FARP2: variants seen among roughly 807,000 people sequenced by gnomAD.
FARP2 encodes FERM, ARH/RhoGEF and pleckstrin domain protein 2, also known as FERM, ARHGEF and pleckstrin domain-containing protein 2.
A neutral mutation model predicts 130.5 loss-of-function variants in FARP2; 111 were observed. The observed-to-expected ratio is 0.85, with a 90% confidence interval of 0.73 to 1.00. FARP2 has a LOEUF of 1.00. FARP2 is among the 50% of genes least tolerant of loss of function. The probability of loss-of-function intolerance (pLI) is 0.00; values close to 1 mark genes in which losing one functional copy is unlikely to be tolerated. For missense variants in FARP2, 1,385 were observed against 1,346.3 expected, an observed-to-expected ratio of 1.03 and a Z score of -0.45; for synonymous variants, 504 against 516.9, an observed-to-expected ratio of 0.98 and a Z score of 0.34.
chr2:241,386,255 A>T (rs887851555), intron 2 of FARP2, among the ~76,000 whole-genome samples: 3 of 152,090 alleles, frequency 2.0e-5, no homozygotes, highest in East Asian at 1.9e-4. Flanking sequence ...AAAAATATAT[A>T]TTTTTTAATT....
At chr2:241,422,260 C>CAAAAAAAAAA (rs1198628886) in intron 8 of FARP2, among the ~76,000 whole-genome samples, 15 of 91,942 alleles carry the variant, frequency 1.6e-4, no homozygotes, top group Non-Finnish European at 1.8e-4. Flanking sequence ...ACTAAAAATA[C>CAAAAAAAAAA]AAAAAAAAAA....
At chr2:241,425,815 G>A (rs2062924139) in intron 8 of FARP2, among the ~76,000 whole-genome samples, 1 of 147,076 alleles carries the variant, frequency 6.8e-6, no homozygotes, top group Admixed American at 6.8e-5. Context: ...CACTGCAATG[G>A]CAGCATCTCA....
At chr2:241,444,340 G>A (rs2063462855) in intron 13 of FARP2, 2 of 152,230 alleles carry the variant, frequency 1.3e-5, no homozygotes, top group Admixed American at 1.3e-4. Flanking sequence ...GTGTGCTGGG[G>A]AGAAATGAGT....
At chr2:241,457,422 G>T (rs1184695891) in intron 14 of FARP2, among the ~76,000 whole-genome samples, 1 of 142,746 alleles carries the variant, frequency 7.0e-6, no homozygotes, top group Admixed American at 6.9e-5. Context: ...TTGGGCAGGA[G>T]GCCCAGTGTA....
chr2:241,373,494 G>A (rs1297372317), intron 2 of FARP2, among the ~76,000 whole-genome samples: 1 of 152,150 alleles, frequency 6.6e-6, no homozygotes, highest in Non-Finnish European at 1.5e-5. Context: ...GTTTAAAATT[G>A]TAGTACAATT....
chr2:241,454,050 T>C (rs976934851), intron 13 of FARP2, among the ~76,000 whole-genome samples: 1 of 151,844 alleles, frequency 6.6e-6, no homozygotes, highest in Non-Finnish European at 1.5e-5. Flanking sequence ...TCCCAAAGTG[T>C]TGGGATTATA....
intron 13 of FARP2, chr2:241,442,214 G>A: frequency 2.2e-6 from 1 of 456,694 alleles, no homozygotes; most frequent in Middle Eastern, 3.3e-4. Context: ...GTGCACACAT[G>A]CAGCTCAGCC....
chr2:241,470,009 C>T (rs1000061793), intron 18 of FARP2, among the ~76,000 whole-genome samples: 5 of 152,198 alleles, frequency 3.3e-5, no homozygotes, highest in Non-Finnish European at 5.9e-5. Flanking sequence ...AGAGCCCAGT[C>T]GATGAAACAT....
chr2:241,410,862 A>G (rs752762311), intron 5 of FARP2, 171 bp from the exon 6 acceptor site: 7 of 578,590 alleles, frequency 1.2e-5, no homozygotes, highest in African/African-American at 1.9e-5. Context: ...TGTTTGTTTC[A>G]TGAAAGGCCT....
intron 8 of FARP2, among the ~76,000 whole-genome samples, chr2:241,418,360 G>A (rs1447856876): frequency 6.6e-6 from 1 of 151,994 alleles, no homozygotes; most frequent in Non-Finnish European, 1.5e-5. Flanking sequence ...ACTGCCTCCC[G>A]CCTCCTTGGA....
chr2:241,361,902 T>G (rs1209473820), intron 1 of FARP2, among the ~76,000 whole-genome samples: 1 of 151,752 alleles, frequency 6.6e-6, no homozygotes, highest in Non-Finnish European at 1.5e-5. Flanking sequence ...TTTTATTTAT[T>G]TATTTTTTTT....
rs977814651 is a variant in FARP2 at position 241,380,407 on chromosome 2, C to T, written c.183+7117C>T. 3.9e-5 allele frequency among the ~76,000 whole-genome samples: 6 copies of T among 152,224 alleles called. No homozygotes were observed. The South Asian group carries it at 1.2e-3, about 32-fold the overall frequency. ...CCCATGTAACTCCCCCATTTTTGATCAGGAGAGAATTTGATTCTGTTGTTA... is the reference window on the plus strand; with the variant it reads ...CCCATGTAACTCCCCCATTTTTGATTAGGAGAGAATTTGATTCTGTTGTTA... On this transcript the variant is annotated intron_variant, in intron 2 of 26. Transcript: ENST00000264042.
intron 7 of FARP2, among the ~76,000 whole-genome samples, chr2:241,415,475 T>C (rs953987487): frequency 1.1e-4 from 16 of 152,124 alleles, no homozygotes; most frequent in Non-Finnish European, 2.2e-4. Context: ...TTGGGCATTG[T>C]GCTGCGAACT....
At position 241,360,061 on chromosome 2, in the gene FARP2, C is replaced by T. The variant is rs1452469464; in HGVS notation, c.-25+3673C>T. On this transcript the variant is annotated intron_variant, in intron 1 of 26. Coordinates refer to ENST00000264042, the MANE Select transcript of FARP2 (RefSeq NM_014808.4). ...CTTCCTCTCTACCACCCTCACTTTA[C>T]TCACTCCAAGGCACTTAAATCACCA... Among the ~76,000 whole-genome samples the T allele has an allele frequency of 2.0e-5, 3 of 152,288 alleles. No homozygotes were observed. The South Asian group carries it at 6.2e-4, about 32-fold the overall frequency.
At chr2:241,463,707 T>G (rs2064090438) in intron 16 of FARP2, 192 bp from the exon 17 acceptor site, 1 of 677,392 alleles carries the variant, frequency 1.5e-6, no homozygotes, top group Non-Finnish European at 2.5e-6. Context: ...GGTTACTATC[T>G]GTTTTAGAGA....
chr2:241,463,780 C>A, intron 16 of FARP2, 119 bp from the exon 17 acceptor site: 1 of 911,000 alleles, frequency 1.1e-6, no homozygotes. Flanking sequence ...CCTCTTCCAC[C>A]TCAGAGCTTC....
chr2:241,427,753 T>G (rs1242409590), intron 8 of FARP2, among the ~76,000 whole-genome samples: 3 of 152,076 alleles, frequency 2.0e-5, no homozygotes, highest in Non-Finnish European at 2.9e-5. Flanking sequence ...CTTACCTCCG[T>G]GGCAGGCCCT....
rs1559816861 is a variant in FARP2, at chr2:241,491,097, G to C, written c.2541G>C (p.Leu847=). ...RLEKEKWMLD[L]NSAIQAAKSG... Reference sequence around the variant, plus strand: ...AGAAAGAGAAGTGGATGCTGGACCTGAACTCCGCGATCCAAGCAGCCAAGA... The same window carrying C: ...AGAAAGAGAAGTGGATGCTGGACCTCAACTCCGCGATCCAAGCAGCCAAGA... The change falls in exon 23 of 27, where the codon CTG becomes CTC. Residue 847 remains leucine, a synonymous_variant. Coordinates refer to ENST00000264042, the MANE Select transcript of FARP2 (RefSeq NM_014808.4). The C allele has an allele frequency of 1.9e-6, 3 of 1,613,526 alleles. No homozygotes were observed. Among genetic ancestry groups the C allele is most frequent in the African/African-American group, 1.3e-5 (1 of 75,048 alleles).
chr2:241,402,871 T>C (rs2062222425), intron 2 of FARP2, among the ~76,000 whole-genome samples: 1 of 15,616 alleles, frequency 6.4e-5, no homozygotes, highest in Non-Finnish European at 1.2e-4. Context: ...TATATATATA[T>C]ATATATATAT....
Sources: gnomAD v4.1 joint callset for allele counts (sites outside exome capture counted in the v4.1 genomes callset) on GRCh38, gnomAD v4.1.1 for gene constraint, MANE v1.5 for transcripts, NCBI Gene and HGNC (gene_info 2026-07-23, HGNC 2026-07-21) for gene names.